NLGN1: variants seen among roughly 807,000 people sequenced by gnomAD.
The protein encoded by NLGN1 is neuroligin 1.
A neutral mutation model predicts 65.5 loss-of-function variants in NLGN1; 12 were observed. That is an observed-to-expected ratio of 0.18 (90% CI 0.12 to 0.30). The LOEUF is 0.30. NLGN1 is among the 10% of genes least tolerant of loss of function. The pLI, the probability that NLGN1 is intolerant of heterozygous loss-of-function variation, is 1.00. For missense variants in NLGN1, 750 were observed against 1,007.1 expected (o/e 0.74, Z 3.46); for synonymous variants, 350 against 359.5 (o/e 0.97, Z 0.30).
At chr3:173,704,532 C>A (rs764969633) in intron 3 of NLGN1, among the ~76,000 whole-genome samples, 6 of 152,156 alleles carry the variant, frequency 3.9e-5, no homozygotes, top group Non-Finnish European at 8.8e-5. Context: ...GTCAGAGACC[C>A]AACTGGTGAG....
At chr3:173,600,829 A>C (rs1166969917) in intron 2 of NLGN1, among the ~76,000 whole-genome samples, 1 of 151,712 alleles carries the variant, frequency 6.6e-6, no homozygotes, top group African/African-American at 2.4e-5. Flanking sequence ...AATAGCTTGC[A>C]CATTGTAAAT....
At chr3:174,197,483 G>T (rs1733639490) in intron 4 of NLGN1, among the ~76,000 whole-genome samples, 1 of 138,426 alleles carries the variant, frequency 7.2e-6, no homozygotes, top group Non-Finnish European at 1.5e-5. Flanking sequence ...CTTTATAAAA[G>T]GAGAATGGCT....
At chr3:174,129,748 A>G (rs1349798155) in intron 4 of NLGN1, among the ~76,000 whole-genome samples, 1 of 152,208 alleles carries the variant, frequency 6.6e-6, no homozygotes. Context: ...AATGTTTTTT[A>G]AAGTATGCAA....
chr3:174,126,972 A>G (rs2152661198), intron 4 of NLGN1, among the ~76,000 whole-genome samples: 1 of 152,224 alleles, frequency 6.6e-6, no homozygotes, highest in Non-Finnish European at 1.5e-5. Context: ...CTCTATTGGT[A>G]AGATAGATAG....
intron 1 of NLGN1, among the ~76,000 whole-genome samples, chr3:173,424,211 C>G (rs11922670): frequency 0.041 from 6,253 of 152,256 alleles, 421 homozygotes; most frequent in African/African-American, 0.14. Context: ...GCCCTGGGCC[C>G]GGCCTGTGAA....
At chr3:173,773,742 T>G (rs534567459) in intron 3 of NLGN1, among the ~76,000 whole-genome samples, 20 of 152,080 alleles carry the variant, frequency 1.3e-4, no homozygotes, top group Non-Finnish European at 2.9e-4. Context: ...GTTCATAAAT[T>G]TAAAAATCAC....
At chr3:174,107,847 T>A (rs895663731) in intron 4 of NLGN1, among the ~76,000 whole-genome samples, 3 of 152,120 alleles carry the variant, frequency 2.0e-5, no homozygotes, top group African/African-American at 7.2e-5. Flanking sequence ...AATAGTGACA[T>A]CTCATTGCTT....
intron 4 of NLGN1, among the ~76,000 whole-genome samples, chr3:173,824,520 G>T (rs548383737): frequency 4.5e-4 from 68 of 152,112 alleles, no homozygotes; most frequent in African/African-American, 1.6e-3. Context: ...AAGGTGTAAG[G>T]GGCTGCTAGA....
At chr3:174,009,848 G>A (rs376201069) in intron 4 of NLGN1, among the ~76,000 whole-genome samples, 1 of 152,116 alleles carries the variant, frequency 6.6e-6, no homozygotes, top group Non-Finnish European at 1.5e-5. Context: ...GGGCAAAAAG[G>A]GTAAGTAGGA....
intron 3 of NLGN1, among the ~76,000 whole-genome samples, chr3:173,715,937 G>C (rs2292053): frequency 0.6 from 91,828 of 151,794 alleles, 27,947 homozygotes; most frequent in East Asian, 0.87. Context: ...TTCAATTCTT[G>C]CTGAACAAAA....
chr3:174,143,632 T>TG (rs937495348), intron 4 of NLGN1, among the ~76,000 whole-genome samples: 17 of 152,052 alleles, frequency 1.1e-4, no homozygotes, highest in African/African-American at 3.1e-4. Flanking sequence ...GGAGATTTGG[T>TG]GGGGGGGTAT....
chr3:174,283,597 A>G (rs967796696), exon 7 of NLGN1: 2 of 151,498 alleles, frequency 1.3e-5, no homozygotes, highest in African/African-American at 4.8e-5. Context: ...GTGCTGAGCA[A>G]GATATTAAAC....
intron 3 of NLGN1, among the ~76,000 whole-genome samples, chr3:173,757,262 A>G (rs1044618183): frequency 3.9e-5 from 6 of 152,036 alleles, no homozygotes; most frequent in African/African-American, 1.4e-4. Flanking sequence ...CTAATCTCAG[A>G]ATCACTTAAA....
intron 2 of NLGN1, among the ~76,000 whole-genome samples, chr3:173,436,050 C>G (rs1718088497): frequency 6.6e-6 from 1 of 152,162 alleles, no homozygotes; most frequent in Non-Finnish European, 1.5e-5. Context: ...AGAACAAAAT[C>G]AAACAACACA....
chr3:173,440,869 C>A (rs1393461270), intron 2 of NLGN1, among the ~76,000 whole-genome samples: 3 of 152,142 alleles, frequency 2.0e-5, no homozygotes, highest in African/African-American at 7.2e-5. Context: ...AGCCTGCAAG[C>A]CAGACATTGA....
chr3:173,449,274 G>A (rs988219762), intron 2 of NLGN1, among the ~76,000 whole-genome samples: 20 of 152,068 alleles, frequency 1.3e-4, no homozygotes, highest in African/African-American at 2.4e-4. Context: ...CTTTGTTCTC[G>A]TTGGTTTCAA....
intron 4 of NLGN1, among the ~76,000 whole-genome samples, chr3:174,089,906 T>TC (rs1744170938): frequency 6.6e-6 from 1 of 152,040 alleles, no homozygotes; most frequent in East Asian, 1.9e-4. Flanking sequence ...TTTTTTTTTT[T>TC]TTCTTTTAAC....
intron 4 of NLGN1, among the ~76,000 whole-genome samples, chr3:174,171,537 A>T (rs1728527099): frequency 6.6e-6 from 1 of 152,180 alleles, no homozygotes. Context: ...CTAATAACTC[A>T]TTTAATGTCT....
Position 173,444,275 on chromosome 3 carries a change from A to G in NLGN1, c.-321+9197A>G, listed in dbSNP as rs369298266. ...ATGTTTTATGCCTAGATAAAACGAT[A>G]GATGTCTGTGGCTCCATATCTGTAT... On this transcript the variant is annotated intron_variant, in intron 2 of 6. Transcript: ENST00000457714. Among the ~76,000 whole-genome samples, 58 of 152,340 alleles carry G rather than the reference A, an allele frequency of 3.8e-4. 2 individuals carry two copies. In the South Asian group the frequency reaches 9.3e-3, roughly 24 times the overall value.
Sources: gnomAD v4.1 joint callset for allele counts (sites outside exome capture counted in the v4.1 genomes callset) on GRCh38, gnomAD v4.1.1 for gene constraint, MANE v1.5 for transcripts, NCBI Gene and HGNC (gene_info 2026-07-23, HGNC 2026-07-21) for gene names.